PPP2R3A: variants seen among roughly 807,000 people sequenced by gnomAD.
PPP2R3A encodes protein phosphatase 2 regulatory subunit B''alpha, also known as serine/threonine-protein phosphatase 2A regulatory subunit B'' subunit alpha.
A neutral mutation model predicts 106.9 loss-of-function variants in PPP2R3A; 80 were observed. The ratio of observed to expected loss-of-function variants is 0.75; its 90% CI spans 0.62 to 0.90. PPP2R3A has a LOEUF of 0.90. PPP2R3A is among the 40% of genes least tolerant of loss of function. The pLI, the probability that PPP2R3A is intolerant of heterozygous loss-of-function variation, is 0.00. For synonymous variants in PPP2R3A, 483 were observed against 468.3 expected, an observed-to-expected ratio of 1.03 and a Z score of -0.41; for missense variants, 1,386 against 1,350.4, an observed-to-expected ratio of 1.03 and a Z score of -0.41.
chr3:136,049,894 T>G (rs1190508440), intron 5 of PPP2R3A, among the ~76,000 whole-genome samples: 1 of 151,938 alleles, frequency 6.6e-6, no homozygotes, highest in East Asian at 1.9e-4. Flanking sequence ...AAACAGAAAA[T>G]TAGAATAGGA....
intron 2 of PPP2R3A, among the ~76,000 whole-genome samples, chr3:136,007,589 T>A (rs1933894126): frequency 6.6e-6 from 1 of 152,136 alleles, no homozygotes; most frequent in Admixed American, 6.5e-5. Flanking sequence ...TAGATTGTTT[T>A]ACTTTATTGT....
chr3:135,978,854 T>A lies in PPP2R3A; in HGVS notation c.-441+13005T>A, dbSNP rs573642461. On this transcript the variant is annotated intron_variant, in intron 1 of 13. Coordinates refer to ENST00000264977, the MANE Select transcript of PPP2R3A (RefSeq NM_002718.5). ...TGCTAAGTCCATCTTCTCATCAACC[T>A]GTGATTTTCTTTACATGACAAAATA... is the stretch of plus-strand genomic sequence containing the variant. Among the ~76,000 whole-genome samples, 38 of 152,022 alleles carry A rather than the reference T, an allele frequency of 2.5e-4. 1 individual carries two copies. The highest frequency in any genetic ancestry group is 9.0e-4 in the African/African-American group (37 of 41,286).
intron 13 of PPP2R3A, among the ~76,000 whole-genome samples, chr3:136,120,407 G>A (rs1576326085): frequency 6.6e-6 from 1 of 152,214 alleles, no homozygotes; most frequent in East Asian, 1.9e-4. Context: ...GAACAACATG[G>A]TGAAACCTCA....
intron 13 of PPP2R3A, among the ~76,000 whole-genome samples, chr3:136,140,450 A>AG (rs1559943195): frequency 2.7e-5 from 4 of 148,210 alleles, no homozygotes; most frequent in Non-Finnish European, 4.4e-5. Context: ...TTTAAAAAAA[A>AG]AAAAAAAAAA....
chr3:135,982,850 A>G (rs1055134741), intron 1 of PPP2R3A, among the ~76,000 whole-genome samples: 6 of 152,090 alleles, frequency 3.9e-5, no homozygotes, highest in Non-Finnish European at 7.4e-5. Context: ...TGGCCACAGA[A>G]CCCCACTAGA....
chr3:136,140,369 T>C (rs1208354107), intron 13 of PPP2R3A, among the ~76,000 whole-genome samples: 4 of 151,090 alleles, frequency 2.6e-5, no homozygotes, highest in Non-Finnish European at 4.4e-5. Flanking sequence ...GGCAGGAGGA[T>C]TCCTTGAGCC....
chr3:136,087,839 A>G (rs1417519760), intron 8 of PPP2R3A, 44 bp from the exon 9 acceptor site: 2 of 1,488,266 alleles, frequency 1.3e-6, no homozygotes, highest in Non-Finnish European at 1.9e-6. Flanking sequence ...TTTATGGAGC[A>G]TGTTTCTAAC....
At chr3:135,983,958 T>C (rs2107763041) in intron 1 of PPP2R3A, among the ~76,000 whole-genome samples, 1 of 152,326 alleles carries the variant, frequency 6.6e-6, no homozygotes. Context: ...GTTATGACTT[T>C]TTTTATAGCT....
intron 4 of PPP2R3A, among the ~76,000 whole-genome samples, chr3:136,042,860 C>A (rs1311147270): frequency 3.3e-5 from 5 of 152,052 alleles, no homozygotes; most frequent in Non-Finnish European, 1.5e-5. Context: ...TTTTAAAAGC[C>A]AGGGTGCTTG....
intron 2 of PPP2R3A, among the ~76,000 whole-genome samples, chr3:136,010,208 A>G (rs1439098289): frequency 6.9e-6 from 1 of 144,456 alleles, no homozygotes; most frequent in Non-Finnish European, 1.5e-5. Context: ...TATTTCTATT[A>G]TTTCTATACA....
At chr3:136,136,069 AAAAATTATAT>A (rs1938606902) in intron 13 of PPP2R3A, among the ~76,000 whole-genome samples, 1 of 50,626 alleles carries the variant, frequency 2.0e-5, no homozygotes, top group Non-Finnish European at 4.1e-5. Context: ...AAAAAAAAAA[AAAAATTATAT>A]ATATATATAT....
chr3:135,969,481 GATAA>G (rs1937180336), intron 1 of PPP2R3A, among the ~76,000 whole-genome samples: 1 of 152,336 alleles, frequency 6.6e-6, no homozygotes, highest in Non-Finnish European at 1.5e-5. Context: ...AACATTTAAG[GATAA>G]ATAGTTTTGA....
chr3:136,020,236 A>C (rs1206814024), intron 2 of PPP2R3A, among the ~76,000 whole-genome samples: 2 of 152,160 alleles, frequency 1.3e-5, no homozygotes, highest in African/African-American at 4.8e-5. Context: ...GTTTGATAGT[A>C]GGGAATCATA....
intron 7 of PPP2R3A, chr3:136,079,278 C>T: frequency 4.9e-6 from 2 of 406,206 alleles, no homozygotes; most frequent in Non-Finnish European, 1.0e-5. Flanking sequence ...CCTGGGCTCT[C>T]AGTAGGTAAT....
intron 2 of PPP2R3A, among the ~76,000 whole-genome samples, chr3:136,010,673 A>G (rs1934036428): frequency 6.6e-6 from 1 of 151,766 alleles, no homozygotes. Flanking sequence ...TGATCCGCCC[A>G]CCTCGGCCTC....
chr3:136,127,854 A>G (rs931068829), intron 13 of PPP2R3A, among the ~76,000 whole-genome samples: 14 of 152,226 alleles, frequency 9.2e-5, no homozygotes, highest in African/African-American at 3.4e-4. Flanking sequence ...GTGGGGGCCA[A>G]TATTCAACAT....
chr3:135,985,538 G>T (rs757113985), intron 1 of PPP2R3A, among the ~76,000 whole-genome samples: 1 of 152,160 alleles, frequency 6.6e-6, no homozygotes, highest in South Asian at 2.1e-4. Context: ...TGTTGATGAA[G>T]GTAGCATGAA....
At chr3:136,014,245 G>A (rs1460276812) in intron 2 of PPP2R3A, among the ~76,000 whole-genome samples, 1 of 152,068 alleles carries the variant, frequency 6.6e-6, no homozygotes, top group Non-Finnish European at 1.5e-5. Flanking sequence ...TTGAAGTCAG[G>A]TAATGTGATG....
At position 136,145,971 on chromosome 3, in the gene PPP2R3A, G is replaced by C. The variant is rs1469060003; in HGVS notation, c.*805G>C. ...TTAATATCCAAATTAGTTGATAACTGTTTTCACTTCCTATCAGAAGGCCTG... is the reference window on the plus strand; with the variant it reads ...TTAATATCCAAATTAGTTGATAACTCTTTTCACTTCCTATCAGAAGGCCTG... On this transcript the variant is annotated 3_prime_UTR_variant, in exon 14 of 14. Transcript: ENST00000264977. 6.6e-6 allele frequency: 1 copy of C among 152,130 alleles called. No homozygotes were observed. Among genetic ancestry groups the C allele is most frequent in the African/African-American group, 2.4e-5 (1 of 41,412 alleles). The allele number at this position is 152,130 out of a possible 1,614,324, so 9.4% of individuals were successfully genotyped here.
Sources: allele counts gnomAD v4.1 joint callset (sites outside exome capture counted in the v4.1 genomes callset), GRCh38; gene constraint gnomAD v4.1.1; transcripts MANE v1.5; gene names NCBI Gene and HGNC (gene_info 2026-07-23, HGNC 2026-07-21).